The following VAMP7 variants were observed in gnomAD, a reference collection of about 807,000 sequenced individuals.
VAMP7 encodes the protein vesicle associated membrane protein 7.
In VAMP7, 14 loss-of-function variants were observed where a neutral mutation model predicts 29.6. The observed-to-expected ratio is 0.47, with a 90% CI of 0.31 to 0.74. The LOEUF (loss-of-function observed/expected upper bound fraction) is 0.74, where lower values mean the gene tolerates loss of function less well. Among genes scored for constraint, VAMP7 ranks in the 30% least tolerant of loss-of-function variants. VAMP7 has a pLI of 0.05. For synonymous variants in VAMP7, 95 were observed against 88.1 expected (o/e 1.08, Z -0.44); for missense variants, 223 against 262.4 (o/e 0.85, Z 1.04).
chrX:155,896,827 A>G (rs955565411), intron 3 of VAMP7, among the ~76,000 whole-genome samples: 1 of 152,116 alleles, frequency 6.6e-6, no homozygotes, highest in Admixed American at 6.6e-5. Context: ...TCTTTATTGT[A>G]TCACAGACTC....
At chrX:155,941,088 ATTGC>A (rs1478235883) in intron 7 of VAMP7, among the ~76,000 whole-genome samples, 1 of 152,178 alleles carries the variant, frequency 6.6e-6, no homozygotes, top group African/African-American at 2.4e-5. Flanking sequence ...AGGCAGGAGG[ATTGC>A]TTGAGGCCAA....
chrX:155,937,956 T>C (rs1369682844), intron 6 of VAMP7, among the ~76,000 whole-genome samples: 1 of 152,214 alleles, frequency 6.6e-6, no homozygotes, highest in Non-Finnish European at 1.5e-5. Context: ...GAATTGTTAC[T>C]GCAGAAGCTG....
Position 155,939,772 on chromosome X carries a change from T to C in VAMP7, c.573T>C (p.Ile191=), listed in dbSNP as rs141017429. 3,442 of 1,613,620 alleles carry C rather than the reference T, an allele frequency of 2.1e-3. 8 individuals carry two copies. The highest frequency in any genetic ancestry group is 2.7e-3 in the Non-Finnish European group (3,204 of 1,179,574). ...GTATGAAGAACCTCAAGCTCACTAT[T>C]ATCATCATCATCGTATCAATTGTAA... The part of the protein sequence containing the change: ...AMCMKNLKLT[I]IIIIVSIVFI... The change falls in exon 7 of 8, where the codon ATT becomes ATC. Residue 191 remains isoleucine, a synonymous_variant. Coordinates refer to ENST00000286448, the MANE Select transcript of VAMP7 (RefSeq NM_005638.6).
intron 5 of VAMP7, among the ~76,000 whole-genome samples, chrX:155,903,355 G>A (rs778496825): frequency 6.5e-4 from 99 of 152,204 alleles, no homozygotes; most frequent in African/African-American, 2.3e-3. Flanking sequence ...ATTGACAAAT[G>A]CGATCTAATT....
At chrX:155,932,912 AG>A (rs1219269313) in intron 6 of VAMP7, among the ~76,000 whole-genome samples, 1 of 152,134 alleles carries the variant, frequency 6.6e-6, no homozygotes, top group African/African-American at 2.4e-5. Flanking sequence ...TTTAGCATGA[AG>A]GGCTGTTGAA....
intron 6 of VAMP7, among the ~76,000 whole-genome samples, chrX:155,927,765 G>GTTTT (rs35465189): frequency 5.7e-5 from 8 of 141,196 alleles, no homozygotes; most frequent in Non-Finnish European, 7.7e-5. Context: ...CACAATGGCA[G>GTTTT]TTTTTTTTTT....
At chrX:155,889,355 T>G in intron 1 of VAMP7, 103 bp from the exon 2 acceptor site, 1 of 1,433,002 alleles carries the variant, frequency 7.0e-7, no homozygotes, top group East Asian at 2.3e-5. Flanking sequence ...AGTGCCTCGT[T>G]AGATACTATC....
chrX:155,931,718 C>T (rs1453727496), intron 6 of VAMP7, among the ~76,000 whole-genome samples: 101 of 152,186 alleles, frequency 6.6e-4, no homozygotes, highest in Admixed American at 1.1e-3. Context: ...TTAATTAGAT[C>T]CCATTTGTCA....
At chrX:155,914,725 G>C (rs1003054351) in intron 5 of VAMP7, among the ~76,000 whole-genome samples, 8 of 152,142 alleles carry the variant, frequency 5.3e-5, no homozygotes, top group Non-Finnish European at 1.2e-4. Context: ...CCTGATCGTG[G>C]TGGATAAGCT....
In VAMP7 at chrX:155,889,499, G is replaced by C; in HGVS notation, c.33G>C (p.Gly11=). The C allele has an allele frequency of 1.9e-6, 3 of 1,613,740 alleles. No individual in the cohort carries two copies. The highest frequency in any genetic ancestry group is 2.5e-6 in the Non-Finnish European group (3 of 1,179,760). Residue 11 remains glycine, a synonymous_variant, in exon 2 of 8, where the codon GGG becomes GGC. Transcript: ENST00000286448. ...TTCTTTTTGCTGTTGTTGCCAGGGG[G>C]ACCACTATCCTTGCCAAACATGCTT... is the stretch of plus-strand genomic sequence containing the variant. MAILFAVVAR[G]TTILAKHAWC...
chrX:155,910,809 G>A (rs1284311065), intron 5 of VAMP7, among the ~76,000 whole-genome samples: 1 of 151,836 alleles, frequency 6.6e-6, no homozygotes, highest in African/African-American at 2.4e-5. Flanking sequence ...TATATCTCCT[G>A]TTGAGTTCAT....
At chrX:155,939,910 T>G in intron 7 of VAMP7, 117 bp downstream of exon 7, 4 of 857,688 alleles carry the variant, frequency 4.7e-6, no homozygotes, top group South Asian at 4.7e-5. Flanking sequence ...CTTTTAATAG[T>G]GAAACACATG....
intron 2 of VAMP7, among the ~76,000 whole-genome samples, chrX:155,890,246 G>C (rs1269227498): frequency 1.3e-5 from 2 of 152,152 alleles, no homozygotes; most frequent in African/African-American, 4.8e-5. Context: ...TAGAAGAAAA[G>C]TCATGTAGGG....
chrX:155,884,809 C>T (rs983731512), intron 1 of VAMP7, among the ~76,000 whole-genome samples: 1 of 152,170 alleles, frequency 6.6e-6, no homozygotes, highest in South Asian at 2.1e-4. Context: ...TGGCCTTTCC[C>T]CTTACTCAGT....
chrX:155,915,586 A>G (rs772776187), intron 5 of VAMP7, among the ~76,000 whole-genome samples: 35 of 152,296 alleles, frequency 2.3e-4, no homozygotes, highest in African/African-American at 8.2e-4. Flanking sequence ...TTGGTTTCAA[A>G]AAACTTATTT....
At chrX:155,909,913 C>CTT (rs1236526091) in intron 5 of VAMP7, among the ~76,000 whole-genome samples, 1 of 152,118 alleles carries the variant, frequency 6.6e-6, no homozygotes. Context: ...ATGGGGTGTC[C>CTT]ATCAGCTCAA....
chrX:155,934,780 A>C (rs1385858615), intron 6 of VAMP7, among the ~76,000 whole-genome samples: 1 of 152,092 alleles, frequency 6.6e-6, no homozygotes, highest in East Asian at 1.9e-4. Flanking sequence ...TAGTTGATGC[A>C]GTTTCTTCCT....
At position 155,919,848 on chromosome X, in the gene VAMP7, T is replaced by C; in HGVS notation, c.469T>C (p.Leu157=). ...TCAGCGAGGAGAAAGATTGGAATTATTGATTGACAAAACAGAAAATCTTGT... is the reference window on the plus strand; with the variant it reads ...TCAGCGAGGAGAAAGATTGGAATTACTGATTGACAAAACAGAAAATCTTGT... ...VAQRGERLEL[L]IDKTENLVDS... Residue 157 remains leucine (L), a synonymous_variant, in exon 6 of 8, where the codon TTG becomes CTG. Transcript: ENST00000286448. The C allele has an allele frequency of 1.2e-6, 2 of 1,613,432 alleles. No homozygotes were observed. The highest frequency in any genetic ancestry group is 1.7e-4 in the Middle Eastern group (1 of 6,052).
At position 155,912,086 on chromosome X, in the gene VAMP7, G is replaced by A. The variant is rs752627846; in HGVS notation, c.434-7727G>A. On this transcript the variant is annotated intron_variant, in intron 5 of 7. Coordinates refer to ENST00000286448, the MANE Select transcript of VAMP7 (RefSeq NM_005638.6). ...CCATTTCTTAGAGGAAAGGCTTTTC[G>A]TTTTTCCCATTCCGTATGATGTTAG... is the stretch of plus-strand genomic sequence containing the variant. Among the ~76,000 whole-genome samples, 12 of 151,998 alleles carry A rather than the reference G, an allele frequency of 7.9e-5. No homozygotes were observed. The South Asian group carries it at 2.1e-3, about 26-fold the overall frequency.
Sources: gnomAD v4.1 joint callset for allele counts (sites outside exome capture counted in the v4.1 genomes callset) on GRCh38, gnomAD v4.1.1 for gene constraint, MANE v1.5 for transcripts, NCBI Gene and HGNC (gene_info 2026-07-23, HGNC 2026-07-21) for gene names.